Variants in SLC12A6 observed in about 807,000 individuals in gnomAD.
SLC12A6 encodes K-Cl cotransporter 3.
SLC12A6 carries 66 observed loss-of-function variants against 135.3 expected under a neutral mutation model. That is an observed-to-expected ratio of 0.49 (90% confidence interval 0.40 to 0.60). The LOEUF (loss-of-function observed/expected upper bound fraction) is 0.60. SLC12A6 is among the 20% of genes least tolerant of loss of function. The pLI, the probability that SLC12A6 is intolerant of heterozygous loss-of-function variation, is 0.00. For missense variants in SLC12A6, 1,058 were observed against 1,452.3 expected, an observed-to-expected ratio of 0.73 and a Z score of 4.41; for synonymous variants, 513 against 508.8, an observed-to-expected ratio of 1.01 and a Z score of -0.11.
chr15:34,333,925 C>T (rs1390078876), intron 2 of SLC12A6, among the ~76,000 whole-genome samples: 1 of 151,880 alleles, frequency 6.6e-6, no homozygotes, highest in East Asian at 1.9e-4. Flanking sequence ...AAAAAATTAG[C>T]CAGGTGTGGT....
In SLC12A6 at chr15:34,245,738, C is replaced by T; in HGVS notation, c.1779G>A (p.Arg593=). 1 of 1,613,960 alleles carries T rather than the reference C, an allele frequency of 6.2e-7. No individual in the cohort carries two copies. Among genetic ancestry groups the T allele is most frequent in the Non-Finnish European group, 8.5e-7 (1 of 1,179,852 alleles). The change falls in exon 14 of 26, where the codon AGG becomes AGA. Residue 593 remains arginine (R), a synonymous_variant. Coordinates refer to ENST00000354181, the MANE Select transcript of SLC12A6 (RefSeq NM_001365088.1). ...TATCCTTGGCAATAGCTTGTAGCAG[C>T]CTCGGTGCACCTGTGAGGCTCTGAA... ...AGLQSLTGAP[R]LLQAIAKDNI...
intron 8 of SLC12A6, 33 bp from the exon 9 acceptor site, chr15:34,254,622 T>C: frequency 6.6e-7 from 1 of 1,521,310 alleles, no homozygotes; most frequent in Non-Finnish European, 9.1e-7. Flanking sequence ...AAAATTAGGT[T>C]ATTTCAAAAT....
intron 9 of SLC12A6, among the ~76,000 whole-genome samples, chr15:34,253,534 C>T (rs1892536694): frequency 6.6e-6 from 1 of 152,188 alleles, no homozygotes. Flanking sequence ...AATGGGGAGT[C>T]AGGAAATCAC....
In SLC12A6 at chr15:34,241,355, G is replaced by A; in HGVS notation, c.2163-18C>T. On this transcript the variant is annotated intron_variant, in intron 17 of 25. Transcript: ENST00000354181. ...TCTCAGCTCTGTGAGAAAAAGAAAA[G>A]AGCAGAGACAAATTTAAACTATAGT... 1.5e-6 allele frequency: 2 copies of A among 1,356,368 alleles called. No individual in the cohort carries two copies. The highest frequency in any genetic ancestry group is 1.1e-6 in the Non-Finnish European group (1 of 944,688). The allele number at this position is 1,356,368 out of a possible 1,614,324, so 84.0% of individuals were successfully genotyped here. A position where few individuals can be genotyped will look rare whatever the true frequency, so the allele number is the denominator to read the frequency against.
chr15:34,315,198 T>A lies in SLC12A6; in HGVS notation c.271+21212A>T, dbSNP rs139550061. 6.2e-3 allele frequency among the ~76,000 whole-genome samples: 940 copies of A among 152,300 alleles called. 14 individuals carry two copies. The highest frequency in any genetic ancestry group is 0.021 in the African/African-American group (880 of 41,564). On this transcript the variant is annotated intron_variant, in intron 2 of 25. Coordinates refer to ENST00000354181, the MANE Select transcript of SLC12A6 (RefSeq NM_001365088.1). ...ATTTTGAAAGAAGTTCTGTGGGTAATATGCTATCAAACAACGTTGCATGCT... is the reference window on the plus strand; with the variant it reads ...ATTTTGAAAGAAGTTCTGTGGGTAAAATGCTATCAAACAACGTTGCATGCT...
chr15:34,270,481 A>G lies in SLC12A6; in HGVS notation c.316+4864T>C, dbSNP rs183715729. ...AGCCCTTCCTCATGCTGCTATGAAG[A>G]AATACCCAAGACTGGGTAATTTATA... On this transcript the variant is annotated intron_variant, in intron 3 of 25. Coordinates refer to ENST00000354181, the MANE Select transcript of SLC12A6 (RefSeq NM_001365088.1). Among the ~76,000 whole-genome samples the G allele has an allele frequency of 2.2e-3, 340 of 152,298 alleles. 1 individual carries two copies. Among genetic ancestry groups the G allele is most frequent in the Non-Finnish European group, 3.5e-3 (241 of 68,020 alleles).
intron 3 of SLC12A6, among the ~76,000 whole-genome samples, chr15:34,265,804 G>C (rs964707011): frequency 2.0e-5 from 3 of 152,098 alleles, no homozygotes; most frequent in Non-Finnish European, 4.4e-5. Flanking sequence ...AATTTTAAAA[G>C]ATCCTAAAGC....
chr15:34,263,697 CA>C (rs1893312965), intron 3 of SLC12A6, among the ~76,000 whole-genome samples: 1 of 151,678 alleles, frequency 6.6e-6, no homozygotes, highest in South Asian at 2.1e-4. Flanking sequence ...CCAAGATTTT[CA>C]ATACTGGGGA....
At chr15:34,316,386 T>C (rs981594656) in intron 2 of SLC12A6, among the ~76,000 whole-genome samples, 1 of 152,216 alleles carries the variant, frequency 6.6e-6, no homozygotes, top group African/African-American at 2.4e-5. Flanking sequence ...AAAAATATTT[T>C]ACTCCTAGGT....
At chr15:34,254,295 T>C (rs1892594655) in intron 9 of SLC12A6, 53 bp downstream of exon 9, 2 of 1,536,414 alleles carry the variant, frequency 1.3e-6, no homozygotes, top group African/African-American at 1.4e-5. Flanking sequence ...CACCACCAGA[T>C]ATTTTCAATT....
intron 2 of SLC12A6, among the ~76,000 whole-genome samples, chr15:34,322,893 G>T (rs527759899): frequency 6.9e-6 from 1 of 144,016 alleles, no homozygotes; most frequent in Non-Finnish European, 1.5e-5. Context: ...CAGGAGAATC[G>T]CTTGAACCCA....
chr15:34,273,793 CACTT>C (rs1167326216), intron 3 of SLC12A6, among the ~76,000 whole-genome samples: 18 of 152,096 alleles, frequency 1.2e-4, no homozygotes, highest in Middle Eastern at 6.3e-3. Flanking sequence ...TACTTAACCT[CACTT>C]ACACTGAAGG....
intron 18 of SLC12A6, 24 bp downstream of exon 18, chr15:34,241,209 T>C (rs1314742299): frequency 8.5e-7 from 1 of 1,171,366 alleles, no homozygotes; most frequent in Admixed American, 1.7e-5. Flanking sequence ...ATGTGCCAAA[T>C]ACTGCTAGTG....
intron 2 of SLC12A6, among the ~76,000 whole-genome samples, chr15:34,316,738 T>C (rs1482612905): frequency 6.6e-6 from 1 of 152,194 alleles, no homozygotes; most frequent in Non-Finnish European, 1.5e-5. Context: ...TGCTAACAGA[T>C]TGAATGATTT....
chr15:34,279,108 C>T (rs1264637006), intron 2 of SLC12A6, among the ~76,000 whole-genome samples: 4 of 151,430 alleles, frequency 2.6e-5, no homozygotes, highest in Admixed American at 2.6e-4. Flanking sequence ...TGAGGTCAGG[C>T]GTTCAGGACC....
At chr15:34,257,872 A>C (rs2140748118) in intron 5 of SLC12A6, 84 bp from the exon 6 acceptor site, 1 of 872,652 alleles carries the variant, frequency 1.1e-6, no homozygotes, top group East Asian at 2.6e-5. Flanking sequence ...TTGCTCCCTA[A>C]CTACCATATT....
intron 2 of SLC12A6, among the ~76,000 whole-genome samples, chr15:34,297,160 C>T (rs1895931441): frequency 6.6e-6 from 1 of 152,134 alleles, no homozygotes; most frequent in Non-Finnish European, 1.5e-5. Flanking sequence ...TTGCTAATCT[C>T]TTTTTTAACA....
chr15:34,245,840 CA>C lies in SLC12A6; in HGVS notation c.1676del (p.Leu559TrpfsTer3). Reference protein sequence around the residue: ...DKFGDAVKGNLVVGTLSWPSP... With the variant: ...DKFGDAVKGNXVVGTLSWPSP... ...ATGGCCAAGATAAGGTGCCTACCAC[CA>C]AATTACCTTTCACAGCATCACCGAA... is the stretch of plus-strand genomic sequence containing the variant. On this transcript the variant is annotated frameshift_variant, in exon 14 of 26. Transcript: ENST00000354181. LOFTEE classifies it high-confidence loss of function. 6.2e-7 allele frequency: 1 copy of C among 1,613,186 alleles called. No individual in the cohort carries two copies. Among genetic ancestry groups the C allele is most frequent in the African/African-American group, 1.3e-5 (1 of 74,990 alleles).
At chr15:34,287,874 A>G (rs1895217204) in intron 2 of SLC12A6, among the ~76,000 whole-genome samples, 1 of 152,160 alleles carries the variant, frequency 6.6e-6, no homozygotes, top group Non-Finnish European at 1.5e-5. Flanking sequence ...GATTGTGGAT[A>G]TTAGCCCTTT....
Sources: allele counts gnomAD v4.1 joint callset (sites outside exome capture counted in the v4.1 genomes callset), GRCh38; gene constraint gnomAD v4.1.1; transcripts MANE v1.5; gene names NCBI Gene and HGNC (gene_info 2026-07-23, HGNC 2026-07-21).